The following SCN11A variants were observed in gnomAD, a reference collection of about 807,000 sequenced individuals.
SCN11A encodes the protein sodium voltage-gated channel alpha subunit 11.
A neutral mutation model predicts 162.2 loss-of-function variants in SCN11A; 122 were observed. The ratio of observed to expected loss-of-function variants is 0.75; its 90% CI spans 0.65 to 0.87. The LOEUF is 0.87. Ranked by LOEUF, SCN11A falls within the 40% of genes least tolerant of loss-of-function variation. The pLI, the probability that SCN11A is intolerant of heterozygous loss-of-function variation, is 0.00. For synonymous variants in SCN11A, 758 were observed against 751.5 expected (o/e 1.01, Z -0.14); for missense variants, 2,015 against 2,181.6 (o/e 0.92, Z 1.52).
At chr3:38,967,975 A>G (rs1211325721) in intron 2 of SCN11A, among the ~76,000 whole-genome samples, 1 of 152,208 alleles carries the variant, frequency 6.6e-6, no homozygotes, top group South Asian at 2.1e-4. Context: ...ATTCTTTTGG[A>G]ACAGAATGCT....
chr3:38,951,568 C>T (rs1432245587), intron 4 of SCN11A, among the ~76,000 whole-genome samples: 5 of 152,268 alleles, frequency 3.3e-5, no homozygotes, highest in Admixed American at 2.6e-4. Flanking sequence ...GGCAGCTCCA[C>T]CTGCGGCCCC....
At chr3:38,887,901 T>G (rs1006334974) in intron 19 of SCN11A, among the ~76,000 whole-genome samples, 1 of 152,194 alleles carries the variant, frequency 6.6e-6, no homozygotes, top group Non-Finnish European at 1.5e-5. Flanking sequence ...TAATAGCATA[T>G]GTAAAAATAC....
At position 38,921,182 on chromosome 3, in the gene SCN11A, AAAG is replaced by A. The variant is rs1465499594; in HGVS notation, c.783_785del (p.Phe262del). ...CTACCAGGGCAAAGATGCTGAGGCA[AAAG>A]AAGGTGAGGATAATCACGTTGACCA... On this transcript the variant is annotated inframe_deletion, in exon 10 of 30. Transcript: ENST00000302328. The A allele has an allele frequency of 6.2e-7, 1 of 1,614,108 alleles. No individual in the cohort carries two copies. Among genetic ancestry groups the A allele is most frequent in the Admixed American group, 1.7e-5 (1 of 60,024 alleles).
In SCN11A at chr3:39,040,767, G is replaced by A. The variant is rs1269770253; in HGVS notation, c.-403-8264C>T. ...AATACAATAGAGAGCTTCAATAACA[G>A]ACTAGATCAAGAAGAAAATAATTTC... On this transcript the variant is annotated intron_variant, in intron 1 of 29. Coordinates refer to ENST00000302328, the MANE Select transcript of SCN11A (RefSeq NM_001349253.2). 2.0e-5 allele frequency among the ~76,000 whole-genome samples: 3 copies of A among 152,140 alleles called. No homozygotes were observed. The East Asian group carries it at 5.8e-4, about 29-fold the overall frequency.
rs1369246135 is a variant in SCN11A, at chr3:38,897,025, C to T, written c.2223G>A (p.Pro741=). ...KSPKLCNPTG[P]TVSCLRHWHM... is the part of the protein sequence containing the mutation. The stretch of plus-strand genomic sequence containing the variant: ...GCCAGTGCCGTAAACATGAGACTGT[C>T]GGGCCTGTCGGGTTACAGAGTTTTG... The change falls in exon 18 of 30, where the codon CCG becomes CCA. Residue 741 remains proline (P), a synonymous_variant. Transcript: ENST00000302328. 6.2e-6 allele frequency: 10 copies of T among 1,613,940 alleles called. 1 individual carries two copies. The highest frequency in any genetic ancestry group is 3.3e-5 in the South Asian group (3 of 91,074).
intron 13 of SCN11A, 38 bp from the exon 14 acceptor site, chr3:38,908,160 A>C (rs757840890): frequency 3.2e-6 from 5 of 1,577,564 alleles, no homozygotes; most frequent in Non-Finnish European, 4.3e-6. Flanking sequence ...AACAGATTAC[A>C]CCTCCTCATG....
intron 7 of SCN11A, among the ~76,000 whole-genome samples, chr3:38,929,172 C>CACACACACACACACACACACACACAT (rs139558791): frequency 2.5e-5 from 2 of 79,746 alleles, no homozygotes; most frequent in African/African-American, 6.2e-5. Flanking sequence ...CACACACACA[C>CACACACACACACACACACACACACAT]ATGTTTGGGA....
At chr3:38,935,690 C>G (rs971598850) in intron 7 of SCN11A, among the ~76,000 whole-genome samples, 1 of 152,232 alleles carries the variant, frequency 6.6e-6, no homozygotes, top group African/African-American at 2.4e-5. Context: ...GAAGTTGACT[C>G]TCTGAATAGA....
intron 1 of SCN11A, among the ~76,000 whole-genome samples, chr3:39,042,164 G>C (rs973042314): frequency 6.6e-6 from 1 of 152,072 alleles, no homozygotes; most frequent in Non-Finnish European, 1.5e-5. Flanking sequence ...AGGTACTCAG[G>C]AGGCCAAGGC....
At chr3:38,951,574 GCC>G in intron 4 of SCN11A, among the ~76,000 whole-genome samples, 1 of 152,390 alleles carries the variant, frequency 6.6e-6, no homozygotes, top group Non-Finnish European at 1.5e-5. Context: ...TCCACCTGCG[GCC>G]CCGGTGCGGG....
chr3:38,958,175 C>T (rs890681251), intron 3 of SCN11A, among the ~76,000 whole-genome samples: 3 of 152,262 alleles, frequency 2.0e-5, no homozygotes, highest in African/African-American at 7.2e-5. Context: ...AGCTGACCCA[C>T]ATGTAGCCCC....
intron 2 of SCN11A, among the ~76,000 whole-genome samples, chr3:39,009,052 A>G (rs181660519): frequency 1.4e-3 from 220 of 152,244 alleles, no homozygotes; most frequent in African/African-American, 5.0e-3. Context: ...TCTCATAAGT[A>G]TACAAAAAAG....
chr3:38,993,913 G>A (rs1447400888), intron 2 of SCN11A, among the ~76,000 whole-genome samples: 1 of 152,212 alleles, frequency 6.6e-6, no homozygotes, highest in African/African-American at 2.4e-5. Flanking sequence ...ATGGGAAGCA[G>A]CCTTGCCTTC....
chr3:38,935,762 T>G (rs1222324078), intron 7 of SCN11A, among the ~76,000 whole-genome samples: 3 of 152,194 alleles, frequency 2.0e-5, no homozygotes, highest in Admixed American at 2.0e-4. Context: ...CAGGACCAGA[T>G]GGATTCACAG....
Position 38,886,197 on chromosome 3 carries a change from C to T in SCN11A, c.2877G>A (p.Gln959=). The T allele has an allele frequency of 1.2e-6, 2 of 1,613,070 alleles. No individual in the cohort carries two copies. Among genetic ancestry groups the T allele is most frequent in the Non-Finnish European group, 1.7e-6 (2 of 1,179,872 alleles). The change falls in exon 20 of 30, where the codon CAG becomes CAA. Residue 959 remains glutamine (Q), a synonymous_variant. Coordinates refer to ENST00000302328, the MANE Select transcript of SCN11A (RefSeq NM_001349253.2). ...TGTCAATTTCCACACTTTGAACTCT[C>T]TGGCTCGTGGGCTTCTTGTTCTCCT... The part of the protein sequence containing the change: ...LHQENKKPTS[Q]RVQSVEIDMF...
At chr3:38,904,767 T>C (rs752156424) in intron 15 of SCN11A, among the ~76,000 whole-genome samples, 13 of 152,230 alleles carry the variant, frequency 8.5e-5, no homozygotes, top group Non-Finnish European at 1.5e-4. Context: ...CCTTTCTACA[T>C]AGGTCTTCTA....
Position 38,900,199 on chromosome 3 carries a change from TA to T in SCN11A, c.1843-127del, listed in dbSNP as rs767637130. On this transcript the variant is annotated intron_variant, in intron 16 of 29. Coordinates refer to ENST00000302328, the MANE Select transcript of SCN11A (RefSeq NM_001349253.2). ...TTCTCATGATTGACACACTATACCC[TA>T]AAGTCCATGCAATAGAAATATTTAC... is the stretch of plus-strand genomic sequence containing the variant. 8.4e-5 allele frequency: 59 copies of T among 702,534 alleles called. No homozygotes were observed. In the East Asian group the frequency reaches 1.0e-3, roughly 12 times the overall value. The allele number at this position is 702,534 out of a possible 1,614,324, so 43.5% of individuals were successfully genotyped here.
rs531568885 is a variant in SCN11A, at chr3:38,949,519, C to T, written c.267+577G>A. Among the ~76,000 whole-genome samples the T allele has an allele frequency of 6.6e-5, 10 of 152,270 alleles. No homozygotes were observed. In the East Asian group the frequency reaches 1.7e-3, roughly 26 times the overall value. On this transcript the variant is annotated intron_variant, in intron 5 of 29. Transcript: ENST00000302328. Reference sequence around the variant, plus strand: ...ACTATGCATCAGTTGTTGGTTTGAGCCCTATTAGTCTCATTTAATAGCCTA... The same window carrying T: ...ACTATGCATCAGTTGTTGGTTTGAGTCCTATTAGTCTCATTTAATAGCCTA...
intron 8 of SCN11A, 110 bp downstream of exon 8, chr3:38,926,693 T>C (rs765982384): frequency 6.2e-6 from 7 of 1,125,644 alleles, no homozygotes; most frequent in Non-Finnish European, 7.7e-6. Context: ...GCTCTAGGCA[T>C]TACTAGGCCA....
Sources: allele counts gnomAD v4.1 joint callset (sites outside exome capture counted in the v4.1 genomes callset), GRCh38; gene constraint gnomAD v4.1.1; transcripts MANE v1.5; gene names NCBI Gene and HGNC (gene_info 2026-07-23, HGNC 2026-07-21).